The following USP7 variants were observed in gnomAD, a reference collection of about 807,000 sequenced individuals.
USP7 encodes the protein ubiquitin C-terminal hydrolase 7.
USP7 carries 9 observed loss-of-function variants against 162.9 expected under a neutral mutation model. That is an observed-to-expected ratio of 0.06 (90% CI 0.03 to 0.10). The LOEUF is 0.10. Ranked by LOEUF, USP7 falls within the 10% of genes least tolerant of loss-of-function variation. The probability of loss-of-function intolerance (pLI) is 1.00; values close to 1 mark genes in which losing one functional copy is unlikely to be tolerated. For synonymous variants in USP7, 562 were observed against 475.9 expected (o/e 1.18, Z -2.35); for missense variants, 715 against 1,373.7 (o/e 0.52, Z 7.58).
chr16:8,932,350 G>A (rs1388866176), intron 1 of USP7, among the ~76,000 whole-genome samples: 1 of 152,192 alleles, frequency 6.6e-6, no homozygotes, highest in Non-Finnish European at 1.5e-5. Flanking sequence ...AGAACTGCTT[G>A]AGCCCAGGAG....
Position 8,963,327 on chromosome 16 carries a change from G to C in USP7, c.-42C>G, listed in dbSNP as rs1000459298. The C allele has an allele frequency of 3.4e-6, 3 of 877,066 alleles. No homozygotes were observed. The African/African-American group carries it at 5.5e-5, about 16-fold the overall frequency. The allele number at this position is 877,066 out of a possible 1,614,324, so 54.3% of individuals were successfully genotyped here. The stretch of plus-strand genomic sequence containing the variant: ...GCCTCGCCTGCGGCCGGGGGCCGGG[G>C]CTGCGAGCCCGGCGGGCGGGCGGCG... On this transcript the variant is annotated 5_prime_UTR_variant, in exon 1 of 31. Transcript: ENST00000344836.
intron 12 of USP7, among the ~76,000 whole-genome samples, chr16:8,907,807 C>G (rs892247280): frequency 1.3e-5 from 2 of 152,200 alleles, no homozygotes; most frequent in Non-Finnish European, 2.9e-5. Flanking sequence ...CAGCAAGACT[C>G]TGTCTCAAAA....
intron 20 of USP7, 145 bp from the exon 21 acceptor site, chr16:8,900,775 G>T: frequency 4.1e-6 from 3 of 730,828 alleles, no homozygotes; most frequent in African/African-American, 1.8e-5. Context: ...AAAGCTAAAT[G>T]AATAAATCCA....
intron 1 of USP7, among the ~76,000 whole-genome samples, chr16:8,938,716 A>G (rs1014882795): frequency 1.3e-5 from 2 of 151,406 alleles, no homozygotes; most frequent in Non-Finnish European, 2.9e-5. Context: ...GTCTCAAAAA[A>G]AAAAAAATTG....
chr16:8,902,332 A>G, intron 17 of USP7, 49 bp downstream of exon 17: 1 of 1,589,756 alleles, frequency 6.3e-7, no homozygotes, highest in African/African-American at 1.3e-5. Context: ...GCAGAGGACT[A>G]ACGCCTTCTG....
intron 1 of USP7, among the ~76,000 whole-genome samples, chr16:8,946,066 A>G (rs1310417836): frequency 6.6e-6 from 1 of 152,318 alleles, no homozygotes; most frequent in Non-Finnish European, 1.5e-5. Context: ...TTCAACGGAC[A>G]AAGACAGTCT....
chr16:8,899,967 G>A, intron 21 of USP7: 1 of 626,364 alleles, frequency 1.6e-6, no homozygotes, highest in Non-Finnish European at 2.8e-6. Context: ...CAGGCGCAAT[G>A]TAGTGGCTTT....
At chr16:8,930,576 C>T (rs902991372) in intron 1 of USP7, among the ~76,000 whole-genome samples, 179 bp from the exon 2 acceptor site, 2 of 152,174 alleles carry the variant, frequency 1.3e-5, no homozygotes, top group Non-Finnish European at 2.9e-5. Flanking sequence ...TACAAACTTT[C>T]GCTGTTTCGA....
chr16:8,926,996 T>C lies in USP7; in HGVS notation c.184+3297A>G, dbSNP rs148206617. Among the ~76,000 whole-genome samples the C allele has an allele frequency of 8.8e-4, 134 of 152,192 alleles. 1 individual carries two copies. The highest frequency in any genetic ancestry group is 2.9e-3 in the African/African-American group (121 of 41,524). ...TTTATCCTCCCAGGGCAAAGGCCAA[T>C]AGACCAGCCTGGGCTTCAGTTGCAA... is the stretch of plus-strand genomic sequence containing the variant. On this transcript the variant is annotated intron_variant, in intron 2 of 30. Coordinates refer to ENST00000344836, the MANE Select transcript of USP7 (RefSeq NM_003470.3).
chr16:8,958,113 C>G (rs1016525551), intron 1 of USP7, among the ~76,000 whole-genome samples: 15 of 152,296 alleles, frequency 9.8e-5, no homozygotes, highest in African/African-American at 3.4e-4. Flanking sequence ...AAAAAGGAAA[C>G]TGAGATGGTC....
chr16:8,940,843 C>A (rs1443486688), intron 1 of USP7, among the ~76,000 whole-genome samples: 1 of 152,140 alleles, frequency 6.6e-6, no homozygotes, highest in Non-Finnish European at 1.5e-5. Context: ...ACTTGGGAGG[C>A]TGAGGCAGGA....
chr16:8,951,061 A>T (rs1177368708), intron 1 of USP7, among the ~76,000 whole-genome samples: 1 of 152,210 alleles, frequency 6.6e-6, no homozygotes, highest in Admixed American at 6.5e-5. Flanking sequence ...CACGCAGAAA[A>T]CTAAGATAAA....
intron 1 of USP7, among the ~76,000 whole-genome samples, chr16:8,956,782 A>AAAAAC (rs1899827915): frequency 6.6e-6 from 1 of 150,424 alleles, no homozygotes; most frequent in Admixed American, 6.6e-5. Flanking sequence ...AAAACAAAAA[A>AAAAAC]AAAAAAACAC....
chr16:8,901,788 G>A (rs1421635418), intron 18 of USP7: 2 of 384,450 alleles, frequency 5.2e-6, no homozygotes, highest in East Asian at 4.8e-5. Flanking sequence ...GACAGACAAC[G>A]TTTGCAACCC....
chr16:8,960,872 G>C (rs528675644), intron 1 of USP7, among the ~76,000 whole-genome samples: 1 of 152,300 alleles, frequency 6.6e-6, no homozygotes, highest in Non-Finnish European at 1.5e-5. Flanking sequence ...CCACACACCA[G>C]TGGGTACTCA....
intron 8 of USP7, among the ~76,000 whole-genome samples, chr16:8,916,180 A>G (rs1897360078): frequency 6.6e-6 from 1 of 152,238 alleles, no homozygotes; most frequent in Non-Finnish European, 1.5e-5. Flanking sequence ...ACAGTGACTC[A>G]GGACCAACGG....
chr16:8,899,047 A>T, intron 23 of USP7, 74 bp downstream of exon 23: 1 of 1,479,288 alleles, frequency 6.8e-7, no homozygotes, highest in Non-Finnish European at 9.3e-7. Flanking sequence ...TATTAAAATT[A>T]GTTCCAAGAT....
intron 8 of USP7, among the ~76,000 whole-genome samples, chr16:8,915,824 T>C (rs1217486238): frequency 6.6e-6 from 1 of 152,218 alleles, no homozygotes; most frequent in African/African-American, 2.4e-5. Flanking sequence ...GCATGTAAAA[T>C]TGTTCACTAA....
chr16:8,894,820 C>T lies in USP7; in HGVS notation c.3075G>A (p.Gln1025=). ...CCTTCTCCTGGATGTCCAGCAGGCT[C>T]TGGATTCGCTTCATCACTTCTCGAA... ...EHFREVMKRI[Q]SLLDIQEKEF... The change falls in exon 29 of 31, where the codon CAG becomes CAA. Residue 1025 remains glutamine (Q), a synonymous_variant. Transcript: ENST00000344836. 1.2e-6 allele frequency: 2 copies of T among 1,614,238 alleles called. No individual in the cohort carries two copies. Among genetic ancestry groups the T allele is most frequent in the South Asian group, 2.2e-5 (2 of 91,088 alleles).
Sources: allele counts gnomAD v4.1 joint callset (sites outside exome capture counted in the v4.1 genomes callset), GRCh38; gene constraint gnomAD v4.1.1; transcripts MANE v1.5; gene names NCBI Gene and HGNC (gene_info 2026-07-23, HGNC 2026-07-21).